The following DMRTB1 variants were observed in gnomAD, a reference collection of about 807,000 sequenced individuals.
The protein encoded by DMRTB1 is DMRT like family B with proline rich C-terminal 1.
In DMRTB1, 9 loss-of-function variants were observed where a neutral mutation model predicts 25.2. That is an observed-to-expected ratio of 0.36 (90% CI 0.22 to 0.62). The LOEUF (loss-of-function observed/expected upper bound fraction) is 0.62, where lower values mean the gene tolerates loss of function less well. Among genes scored for constraint, DMRTB1 ranks in the 20% least tolerant of loss-of-function variants. The pLI, the probability that DMRTB1 is intolerant of heterozygous loss-of-function variation, is 0.71. For missense variants in DMRTB1, 551 were observed against 499.3 expected, an observed-to-expected ratio of 1.10 and a Z score of -0.99; for synonymous variants, 269 against 238.1, an observed-to-expected ratio of 1.13 and a Z score of -1.20.
chr1:53,459,616 G>A lies in DMRTB1; in HGVS notation c.163G>A (p.Val55Met), dbSNP rs1444723974. The A allele has an allele frequency of 2.5e-6, 4 of 1,580,116 alleles. No individual in the cohort carries two copies. Among genetic ancestry groups the A allele is most frequent in the East Asian group, 2.3e-5 (1 of 43,086 alleles). Reference protein sequence around the residue: ...ERQKIMAAQKVLKTQAAEEEQ... With the variant: ...ERQKIMAAQKMLKTQAAEEEQ... Reference sequence around the variant, plus strand: ...CCAGAAGATCATGGCCGCGCAGAAGGTGCTCAAGACGCAGGCCGCCGAGGA... The same window carrying A: ...CCAGAAGATCATGGCCGCGCAGAAGATGCTCAAGACGCAGGCCGCCGAGGA... The change falls in exon 1 of 4, where the codon GTG (valine) becomes ATG (methionine). Residue 55 changes from valine (V) to methionine (M), a missense_variant. Physicochemically the swap from Val to Met is conservative, Grantham distance 21. Coordinates refer to ENST00000371445, the MANE Select transcript of DMRTB1 (RefSeq NM_033067.3).
intron 2 of DMRTB1, among the ~76,000 whole-genome samples, chr1:53,463,221 CCTT>C (rs2100638460): frequency 6.6e-6 from 1 of 152,338 alleles, no homozygotes; most frequent in East Asian, 1.9e-4. Flanking sequence ...TCACTTTCAT[CCTT>C]GTCCTGCTGC....
At chr1:53,463,230 G>A (rs1644030994) in intron 2 of DMRTB1, among the ~76,000 whole-genome samples, 1 of 152,192 alleles carries the variant, frequency 6.6e-6, no homozygotes, top group African/African-American at 2.4e-5. Context: ...TCCTTGTCCT[G>A]CTGCCCCCTG....
chr1:53,459,648 G>A lies in DMRTB1; in HGVS notation c.195G>A (p.Gln65=). ...VLKTQAAEEE[Q]EAALCAQGPK... ...AGACGCAGGCCGCCGAGGAGGAGCA[G>A]GAGGCGGCCCTGTGTGCGCAGGGGC... Residue 65 remains glutamine (Q), a synonymous_variant, in exon 1 of 4, where the codon CAG becomes CAA. Coordinates refer to ENST00000371445, the MANE Select transcript of DMRTB1 (RefSeq NM_033067.3). 6.4e-7 allele frequency: 1 copy of A among 1,553,448 alleles called. No individual in the cohort carries two copies. The highest frequency in any genetic ancestry group is 8.7e-7 in the Non-Finnish European group (1 of 1,149,708).
rs768289459 is a variant in DMRTB1 at position 53,459,710 on chromosome 1, C to G, written c.257C>G (p.Ala86Gly). The G allele has an allele frequency of 2.4e-5, 35 of 1,435,630 alleles. No homozygotes were observed. Among genetic ancestry groups the G allele is most frequent in the Non-Finnish European group, 3.1e-5 (34 of 1,098,544 alleles). 88.9% of individuals were successfully genotyped at this position (1,435,630 alleles called of 1,614,324 possible). A position where few individuals can be genotyped will look rare whatever the true frequency, so the allele number is the denominator to read the frequency against. The change falls in exon 1 of 4, where the codon GCC (alanine) becomes GGC (glycine). Residue 86 changes from alanine to glycine, a missense_variant. By Grantham distance (60) the Ala-to-Gly change is moderately conservative. Transcript: ENST00000371445. The stretch of plus-strand genomic sequence containing the variant: ...TCCGGGGCTGCGGCCGCCGCCCCCG[C>G]CCCCGTCCCCGTCCCGGCCGCGAGC... ...QASGAAAAAP[A>G]PVPVPAASLR...
intron 2 of DMRTB1, among the ~76,000 whole-genome samples, chr1:53,463,116 A>G (rs1644030641): frequency 6.6e-6 from 1 of 152,248 alleles, no homozygotes; most frequent in Non-Finnish European, 1.5e-5. Flanking sequence ...GAAGCTTGGA[A>G]TTAAAGCACT....
chr1:53,459,766 G>C lies in DMRTB1; in HGVS notation c.313G>C (p.Gly105Arg), dbSNP rs777072132. ...CCCGCTGTCCCCGGGGACTCCCTCCGGAGACGCCGACCCGGGACCCGAGGG... is the reference window on the plus strand; with the variant it reads ...CCCGCTGTCCCCGGGGACTCCCTCCCGAGACGCCGACCCGGGACCCGAGGG... ...LRPLSPGTPS[G>R]DADPGPEGRA... Residue 105 changes from glycine to arginine, a missense_variant, in exon 1 of 4, where the codon GGA (glycine) becomes CGA (arginine). Coordinates refer to ENST00000371445, the MANE Select transcript of DMRTB1 (RefSeq NM_033067.3). 2.9e-6 allele frequency: 4 copies of C among 1,374,246 alleles called. No homozygotes were observed. In the Admixed American group the frequency reaches 1.4e-4, roughly 49 times the overall value. The allele number at this position is 1,374,246 out of a possible 1,614,324, so 85.1% of individuals were successfully genotyped here. A position where few individuals can be genotyped will look rare whatever the true frequency, so the allele number is the denominator to read the frequency against.
rs998795762 is a variant in DMRTB1, at chr1:53,460,023, C to T, written c.570C>T (p.Thr190=). The T allele has an allele frequency of 7.0e-6, 11 of 1,577,578 alleles. No homozygotes were observed. Among genetic ancestry groups the T allele is most frequent in the African/African-American group, 1.4e-5 (1 of 73,010 alleles). ...GGACCGTGCCCGGCCCACTGTTCAC[C>T]GACTTTGGTAAGTCGTGGCCTTGGT... ...PMRTVPGPLF[T]DFVRPLNINP... The change falls in exon 1 of 4, where the codon ACC becomes ACT. Residue 190 remains threonine, a synonymous_variant. Transcript: ENST00000371445.
Position 53,459,935 on chromosome 1 carries a change from CT to C in DMRTB1, c.486del (p.Phe162LeufsTer14). ...GCGATGCCCAGCCTTGCGGGACCCC[CT>C]TTTGGGGCGGAGGCCGCAGGCAGTG... The part of the protein sequence containing the change: ...AVAMPSLAGP[P>X]FGAEAAGSGY... On this transcript the variant is annotated frameshift_variant, in exon 1 of 4. Coordinates refer to ENST00000371445, the MANE Select transcript of DMRTB1 (RefSeq NM_033067.3). LOFTEE classifies it high-confidence loss of function. The C allele has an allele frequency of 1.3e-6, 2 of 1,566,012 alleles. No individual in the cohort carries two copies. The highest frequency in any genetic ancestry group is 1.7e-6 in the Non-Finnish European group (2 of 1,165,468).
In DMRTB1 at chr1:53,460,010, G is replaced by A. The variant is rs776213315; in HGVS notation, c.557G>A (p.Gly186Asp). ...CGCAGGCCGATGCGGACCGTGCCCG[G>A]CCCACTGTTCACCGACTTTGGTAAG... ...DLRRPMRTVP[G>D]PLFTDFVRPL... Residue 186 changes from glycine (G) to aspartate (D), a missense_variant, in exon 1 of 4, where the codon GGC (glycine) becomes GAC (aspartate). Physicochemically the swap from Gly to Asp is moderately conservative, Grantham distance 94 (BLOSUM62 -1). Transcript: ENST00000371445. 7 of 1,581,608 alleles carry A rather than the reference G, an allele frequency of 4.4e-6. No individual in the cohort carries two copies. In the South Asian group the frequency reaches 5.6e-5, roughly 13 times the overall value.
intron 3 of DMRTB1, 109 bp from the exon 4 acceptor site, chr1:53,466,486 G>A: frequency 1.7e-6 from 2 of 1,149,354 alleles, no homozygotes; most frequent in Non-Finnish European, 2.6e-6. Context: ...GCGAGACTCT[G>A]TCTCAAAAAA....
Position 53,459,720 on chromosome 1 carries a change from C to A in DMRTB1, c.267C>A (p.Pro89=). 7.2e-7 allele frequency: 1 copy of A among 1,385,312 alleles called. No homozygotes were observed. The highest frequency in any genetic ancestry group is 9.3e-7 in the Non-Finnish European group (1 of 1,073,540). 85.8% of individuals were successfully genotyped at this position (1,385,312 alleles called of 1,614,324 possible). The change falls in exon 1 of 4, where the codon CCC becomes CCA. Residue 89 remains proline (P), a synonymous_variant. Coordinates refer to ENST00000371445, the MANE Select transcript of DMRTB1 (RefSeq NM_033067.3). The part of the protein sequence containing the change: ...GAAAAAPAPV[P]VPAASLRPLS... ...CGGCCGCCGCCCCCGCCCCCGTCCC[C>A]GTCCCGGCCGCGAGCCTCCGCCCGC...
Position 53,459,722 on chromosome 1 carries a change from T to A in DMRTB1, c.269T>A (p.Val90Asp). ...GCCGCCGCCCCCGCCCCCGTCCCCG[T>A]CCCGGCCGCGAGCCTCCGCCCGCTG... ...AAAAAPAPVP[V>D]PAASLRPLSP... The change falls in exon 1 of 4, where the codon GTC (valine) becomes GAC (aspartate). Residue 90 changes from valine to aspartate, a missense_variant. Coordinates refer to ENST00000371445, the MANE Select transcript of DMRTB1 (RefSeq NM_033067.3). The A allele has an allele frequency of 7.2e-7, 1 of 1,381,438 alleles. No homozygotes were observed. Among genetic ancestry groups the A allele is most frequent in the Non-Finnish European group, 9.3e-7 (1 of 1,071,352 alleles). The allele number at this position is 1,381,438 out of a possible 1,614,324, so 85.6% of individuals were successfully genotyped here.
chr1:53,460,192 G>A, intron 1 of DMRTB1, 162 bp downstream of exon 1: 1 of 1,055,462 alleles, frequency 9.5e-7, no homozygotes, highest in Non-Finnish European at 1.3e-6. Context: ...TTTGGATTGG[G>A]TAACTTTTCG....
rs755649587 is a variant in DMRTB1 at position 53,466,612 on chromosome 1, G to A, written c.979G>A (p.Val327Ile). The A allele has an allele frequency of 6.2e-7, 1 of 1,614,234 alleles. No individual in the cohort carries two copies. Among genetic ancestry groups the A allele is most frequent in the Non-Finnish European group, 8.5e-7 (1 of 1,180,044 alleles). The change falls in exon 4 of 4, where the codon GTA becomes ATA. Residue 327 changes from valine to isoleucine, a missense_variant. Transcript: ENST00000371445. ...CTTCACAGATGACCAGGATGCAGAGGTACTGTCGGGTGAGCCCAGCCAGCC... is the reference window on the plus strand; with the variant it reads ...CTTCACAGATGACCAGGATGCAGAGATACTGTCGGGTGAGCCCAGCCAGCC... ...KENTDDQDAEVLSGEPSQPSS... is the reference protein window; with the variant it reads ...KENTDDQDAEILSGEPSQPSS...
Position 53,464,705 on chromosome 1 carries a change from CCTTCCACCG to C in DMRTB1, c.830_838del (p.Leu277_Pro279del), listed in dbSNP as rs758295903. ...CGCCGCCGCCGCCGCCACTGCCGCCCCTTCCACCGCTTCCACCGCAGCCCCAGTTCCTCC... is the reference window on the plus strand; with the variant it reads ...CGCCGCCGCCGCCGCCACTGCCGCCCCTTCCACCGCAGCCCCAGTTCCTCC... On this transcript the variant is annotated inframe_deletion, in exon 3 of 4. Transcript: ENST00000371445. 4.3e-6 allele frequency: 7 copies of C among 1,613,508 alleles called. No homozygotes were observed. Among genetic ancestry groups the C allele is most frequent in the East Asian group, 2.2e-5 (1 of 44,878 alleles).
At chr1:53,462,115 G>A (rs181875205) in intron 2 of DMRTB1, among the ~76,000 whole-genome samples, 130 of 152,250 alleles carry the variant, frequency 8.5e-4, no homozygotes, top group African/African-American at 2.8e-3. Flanking sequence ...TGAAAAATAC[G>A]GAAACCTTCC....
chr1:53,466,494 A>G, intron 3 of DMRTB1, 101 bp from the exon 4 acceptor site: 1 of 1,257,580 alleles, frequency 8.0e-7, no homozygotes, highest in South Asian at 1.3e-5. Context: ...CTGTCTCAAA[A>G]AAATTAAAAT....
intron 1 of DMRTB1, chr1:53,460,576 T>C (rs540864508): frequency 6.5e-6 from 1 of 153,076 alleles, no homozygotes; most frequent in African/African-American, 2.4e-5. Context: ...GGGAGCCTGC[T>C]TCTTTACTCC....
chr1:53,459,596 A>T lies in DMRTB1; in HGVS notation c.143A>T (p.Lys48Met). The T allele has an allele frequency of 6.3e-7, 1 of 1,597,348 alleles. No individual in the cohort carries two copies. Among genetic ancestry groups the T allele is most frequent in the Non-Finnish European group, 8.5e-7 (1 of 1,172,258 alleles). The stretch of plus-strand genomic sequence containing the variant: ...TGCTACCTGATCTCCGAGCGCCAGA[A>T]GATCATGGCCGCGCAGAAGGTGCTC... ...EKCYLISERQ[K>M]IMAAQKVLKT... Residue 48 changes from lysine (K) to methionine (M), a missense_variant, in exon 1 of 4, where the codon AAG becomes ATG. Lys to Met is a moderately conservative substitution (Grantham distance 95). Coordinates refer to ENST00000371445, the MANE Select transcript of DMRTB1 (RefSeq NM_033067.3).
Sources: allele counts gnomAD v4.1 joint callset (sites outside exome capture counted in the v4.1 genomes callset), GRCh38; gene constraint gnomAD v4.1.1; transcripts MANE v1.5; gene names NCBI Gene and HGNC (gene_info 2026-07-23, HGNC 2026-07-21).